Variants in TBC1D31 observed in about 807,000 individuals in gnomAD.
TBC1D31 encodes WD repeat domain 67.
A neutral mutation model predicts 132.9 loss-of-function variants in TBC1D31; 99 were observed. The ratio of observed to expected loss-of-function variants is 0.74; its 90% confidence interval spans 0.63 to 0.88. The LOEUF is 0.88. Among genes scored for constraint, TBC1D31 ranks in the 40% least tolerant of loss-of-function variants. The pLI, the probability that TBC1D31 is intolerant of heterozygous loss-of-function variation, is 0.00. For missense variants in TBC1D31, 1,134 were observed against 1,256.6 expected (o/e 0.90, Z 1.48); for synonymous variants, 385 against 419.4 (o/e 0.92, Z 1.00).
At chr8:123,154,317 C>T (rs1420083166), downstream of TBC1D31, among the ~76,000 whole-genome samples, 2 of 152,192 alleles carry the variant, frequency 1.3e-5, no homozygotes, top group Middle Eastern at 3.2e-3. Flanking sequence ...AAAGAGAACT[C>T]TACAGGGTAT....
chr8:123,077,383 C>A, intron 2 of TBC1D31, 126 bp downstream of exon 2: 1 of 919,642 alleles, frequency 1.1e-6, no homozygotes, highest in Non-Finnish European at 1.6e-6. Context: ...AGGTACCTTG[C>A]AAAATACTGT....
downstream of TBC1D31, among the ~76,000 whole-genome samples, chr8:123,155,899 T>C (rs1822973843): frequency 6.6e-6 from 1 of 152,222 alleles, no homozygotes; most frequent in Admixed American, 6.5e-5. This position sits in a 1 kb window ranked among gnomAD's most constrained non-coding sequence, Gnocchi z 4.1. Context: ...TGGTGGTCAG[T>C]TGATCAAAGG....
chr8:123,124,615 A>G (rs1349240888), intron 11 of TBC1D31, among the ~76,000 whole-genome samples: 1 of 152,044 alleles, frequency 6.6e-6, no homozygotes, highest in Non-Finnish European at 1.5e-5. Context: ...CAGGTGCTGA[A>G]CCATATTTTT....
chr8:123,153,902 G>A (rs1822924727), downstream of TBC1D31, among the ~76,000 whole-genome samples: 1 of 152,092 alleles, frequency 6.6e-6, no homozygotes, highest in Non-Finnish European at 1.5e-5. Flanking sequence ...CTAAATGTTG[G>A]GCTTCAGCTA....
chr8:123,081,414 TA>T (rs563281334), intron 2 of TBC1D31, among the ~76,000 whole-genome samples: 347 of 152,334 alleles, frequency 2.3e-3, no homozygotes, highest in African/African-American at 7.4e-3. Flanking sequence ...AGCTTGCATG[TA>T]AGTCTTGAGC....
rs2130848474 is a variant in TBC1D31 at position 123,134,241 on chromosome 8, G to C, written c.2499+35G>C. 5 of 1,585,378 alleles carry C rather than the reference G, an allele frequency of 3.2e-6. No homozygotes were observed. In the East Asian group the frequency reaches 1.1e-4, roughly 36 times the overall value. On this transcript the variant is annotated intron_variant, in intron 17 of 21. Coordinates refer to ENST00000287380, the MANE Select transcript of TBC1D31 (RefSeq NM_145647.4). The stretch of plus-strand genomic sequence containing the variant: ...AGTTATTTCCAACATAAGAAAAGCA[G>C]GTTTTGGCCAGGCTCAGTGGCTCAA...
chr8:123,150,221 G>A, intron 21 of TBC1D31, 93 bp downstream of exon 21: 1 of 927,646 alleles, frequency 1.1e-6, no homozygotes, highest in African/African-American at 1.7e-5. Flanking sequence ...ATAGCATGTG[G>A]ACGCCATTTT....
chr8:123,142,246 T>A lies in TBC1D31; in HGVS notation c.2641-16T>A. 2 of 1,549,852 alleles carry A rather than the reference T, an allele frequency of 1.3e-6. No individual in the cohort carries two copies. The highest frequency in any genetic ancestry group is 1.7e-6 in the Non-Finnish European group (2 of 1,151,988). ...GTAGTTTGACCTTGTTTCTGAAATG[T>A]ATAACTTTTTCCTAGGTGATTAAAG... is the stretch of plus-strand genomic sequence containing the variant. On this transcript the variant is annotated splice_polypyrimidine_tract_variant and intron_variant, in intron 18 of 21. Coordinates refer to ENST00000287380, the MANE Select transcript of TBC1D31 (RefSeq NM_145647.4).
chr8:123,111,490 C>T (rs1818432781), intron 10 of TBC1D31, among the ~76,000 whole-genome samples: 1 of 152,102 alleles, frequency 6.6e-6, no homozygotes, highest in Non-Finnish European at 1.5e-5. Context: ...TCAGATTGAA[C>T]ATATAGACCT....
intron 11 of TBC1D31, among the ~76,000 whole-genome samples, chr8:123,125,536 T>G (rs1372066822): frequency 6.6e-6 from 1 of 152,240 alleles, no homozygotes; most frequent in Non-Finnish European, 1.5e-5. Context: ...TGAGGACATT[T>G]TTATTGTCAT....
intron 2 of TBC1D31, among the ~76,000 whole-genome samples, chr8:123,081,929 G>C (rs1160086433): frequency 2.0e-5 from 3 of 152,154 alleles, no homozygotes; most frequent in Non-Finnish European, 4.4e-5. Flanking sequence ...GATTTGGGTG[G>C]GGACAGAGCC....
downstream of TBC1D31, among the ~76,000 whole-genome samples, chr8:123,153,675 C>T (rs914880336): frequency 6.6e-6 from 1 of 152,184 alleles, no homozygotes; most frequent in Non-Finnish European, 1.5e-5. Flanking sequence ...TTATTTCTTC[C>T]TGCTTCTTGA....
At chr8:123,114,835 C>T (rs1818767153) in intron 10 of TBC1D31, among the ~76,000 whole-genome samples, 1 of 152,138 alleles carries the variant, frequency 6.6e-6, no homozygotes, top group African/African-American at 2.4e-5. Flanking sequence ...TATTCACATA[C>T]ATTTAACAAG....
chr8:123,141,402 T>C (rs1294213619), intron 18 of TBC1D31, among the ~76,000 whole-genome samples: 1 of 114,166 alleles, frequency 8.8e-6, no homozygotes, highest in Non-Finnish European at 1.9e-5. Context: ...TTGGAAATGC[T>C]GTCTTAAAGT....
rs767963261 is a variant in TBC1D31 at position 123,109,658 on chromosome 8, G to A, written c.1436+38G>A. 4 of 1,513,572 alleles carry A rather than the reference G, an allele frequency of 2.6e-6. No homozygotes were observed. The South Asian group carries it at 3.8e-5, about 14-fold the overall frequency. The allele number at this position is 1,513,572 out of a possible 1,614,324, so 93.8% of individuals were successfully genotyped here. On this transcript the variant is annotated intron_variant, in intron 10 of 21. Coordinates refer to ENST00000287380, the MANE Select transcript of TBC1D31 (RefSeq NM_145647.4). ...TATTGCAGCAATGTGTATGAGACCTGTAACTAATAATTGCAATGTTATAAA... is the reference window on the plus strand; with the variant it reads ...TATTGCAGCAATGTGTATGAGACCTATAACTAATAATTGCAATGTTATAAA...
At chr8:123,134,086 G>T in intron 16 of TBC1D31, 28 bp from the exon 17 acceptor site, 1 of 1,517,850 alleles carries the variant, frequency 6.6e-7, no homozygotes, top group South Asian at 1.2e-5. Context: ...ATTCTTTTTG[G>T]TATTTACAGT....
At chr8:123,081,437 G>T (rs532280844) in intron 2 of TBC1D31, among the ~76,000 whole-genome samples, 4 of 152,172 alleles carry the variant, frequency 2.6e-5, no homozygotes, top group Non-Finnish European at 5.9e-5. Context: ...CTTGAAAAGT[G>T]ATTGGTCCAA....
intron 8 of TBC1D31, among the ~76,000 whole-genome samples, chr8:123,106,268 G>A (rs561894035): frequency 1.3e-5 from 2 of 152,158 alleles, no homozygotes; most frequent in African/African-American, 4.8e-5. Flanking sequence ...GAAATCTCCT[G>A]CCATCTTGCT....
chr8:123,118,666 TAA>T (rs762730615), intron 10 of TBC1D31, among the ~76,000 whole-genome samples: 1 of 145,484 alleles, frequency 6.9e-6, no homozygotes. Context: ...GACCAGCCAG[TAA>T]AAAAAAAAAA....
Sources: gnomAD v4.1 joint callset for allele counts (sites outside exome capture counted in the v4.1 genomes callset) on GRCh38, gnomAD v4.1.1 for gene constraint, Gnocchi (gnomAD v3.1) non-coding constraint, MANE v1.5 for transcripts, NCBI Gene and HGNC (gene_info 2026-07-23, HGNC 2026-07-21) for gene names.